The following PCDH11Y variants were observed in gnomAD, a reference collection of about 807,000 sequenced individuals.
PCDH11Y encodes protocadherin-11 Y-linked.
For synonymous variants in PCDH11Y, 9 were observed against 83.6 expected, an observed-to-expected ratio of 0.11 and a Z score of 4.87; for missense variants, 12 against 224.8, an observed-to-expected ratio of 0.05 and a Z score of 6.05.
At chrY:5,709,064 A>G in intron 4 of PCDH11Y, among the ~76,000 whole-genome samples, 2 of 31,422 alleles carry the variant, frequency 6.4e-5, no homozygotes, top group African/African-American at 2.5e-4. Flanking sequence ...TTGGCCTTTT[A>G]AGATATATTT....
intron 4 of PCDH11Y, among the ~76,000 whole-genome samples, chrY:5,700,104 G>T (rs2053576171): frequency 3.1e-5 from 1 of 32,442 alleles, no homozygotes; most frequent in African/African-American, 1.2e-4. Context: ...GGTGAGAGCT[G>T]CTGACCACCA....
intron 3 of PCDH11Y, among the ~76,000 whole-genome samples, chrY:5,046,464 C>T (rs2052639805): frequency 3.0e-5 from 1 of 33,764 alleles, no homozygotes; most frequent in African/African-American, 1.1e-4. Flanking sequence ...AGGCAGTCTG[C>T]GTGTTCTCAG....
At chrY:5,092,477 C>A in intron 1 of PCDH11Y, among the ~76,000 whole-genome samples, 1 of 33,107 alleles carries the variant, frequency 3.0e-5, no homozygotes, top group Non-Finnish European at 7.5e-5. Flanking sequence ...CTCTAAAAGG[C>A]ACCACAGTAT....
At chrY:5,223,590 GC>G (rs2052956311) in intron 2 of PCDH11Y, among the ~76,000 whole-genome samples, 1 of 31,886 alleles carries the variant, frequency 3.1e-5, no homozygotes, top group Non-Finnish European at 7.6e-5. Context: ...CAAGTAGCTG[GC>G]ACTACAGGCA....
At chrY:5,132,948 T>C in intron 2 of PCDH11Y, among the ~76,000 whole-genome samples, 2 of 32,760 alleles carry the variant, frequency 6.1e-5, no homozygotes, top group Non-Finnish European at 1.5e-4. Context: ...AAGCTAGCTT[T>C]TTTATATTAT....
downstream of PCDH11Y, among the ~76,000 whole-genome samples, chrY:5,101,603 G>T: frequency 9.0e-5 from 3 of 33,462 alleles, no homozygotes; most frequent in South Asian, 6.6e-4. Context: ...GTTCCATGAA[G>T]AAATGAATAC....
intron 2 of PCDH11Y, among the ~76,000 whole-genome samples, chrY:5,148,525 AGAAAC>A (rs2052860496): frequency 3.1e-5 from 1 of 32,743 alleles, no homozygotes; most frequent in African/African-American, 1.2e-4. Context: ...ATTTTTGAAA[AGAAAC>A]TACCAATATT....
intron 2 of PCDH11Y, among the ~76,000 whole-genome samples, chrY:5,427,020 C>T (rs1602923563): frequency 3.1e-5 from 1 of 32,697 alleles, no homozygotes; most frequent in East Asian, 8.1e-4. Context: ...ATCATTTTCC[C>T]TACTAACACG....
At chrY:5,389,225 A>G in intron 2 of PCDH11Y, among the ~76,000 whole-genome samples, 1 of 33,881 alleles carries the variant, frequency 3.0e-5, no homozygotes, top group African/African-American at 1.2e-4. Flanking sequence ...AAGCCCTAAG[A>G]TAAGTATTTC....
chrY:5,410,526 G>A, intron 2 of PCDH11Y, among the ~76,000 whole-genome samples: 1 of 32,774 alleles, frequency 3.1e-5, no homozygotes, highest in African/African-American at 1.2e-4. Flanking sequence ...GGTTCACTAG[G>A]TTTTTTTTCT....
intron 2 of PCDH11Y, among the ~76,000 whole-genome samples, chrY:5,435,620 A>T: frequency 3.1e-5 from 1 of 32,766 alleles, no homozygotes; most frequent in South Asian, 6.9e-4. Flanking sequence ...CCGGCCGTGT[A>T]ATTGTTTTAA....
intron 2 of PCDH11Y, among the ~76,000 whole-genome samples, chrY:5,482,437 G>T: frequency 3.0e-5 from 1 of 33,739 alleles, no homozygotes. Flanking sequence ...GCTCTGATAT[G>T]TAGTGCATGT....
At chrY:5,187,047 G>A in intron 2 of PCDH11Y, among the ~76,000 whole-genome samples, 1 of 34,095 alleles carries the variant, frequency 2.9e-5, no homozygotes, top group Non-Finnish European at 7.3e-5. Flanking sequence ...AAATCTTAAA[G>A]TTCTAAAATG....
At chrY:5,104,183 G>T, downstream of PCDH11Y, among the ~76,000 whole-genome samples, 3 of 33,181 alleles carry the variant, frequency 9.0e-5, no homozygotes, top group Non-Finnish European at 1.5e-4. Flanking sequence ...GTCTGAGTTA[G>T]CTTGGAATAG....
chrY:5,384,315 T>TA (rs2053208768), intron 2 of PCDH11Y, among the ~76,000 whole-genome samples: 24 of 30,873 alleles, frequency 7.8e-4, no homozygotes, highest in Non-Finnish European at 1.6e-3. Flanking sequence ...GTATTGAATA[T>TA]AAAAAAATAT....
chrY:5,023,466 G>A (rs1316497995), intron 1 of PCDH11Y, among the ~76,000 whole-genome samples: 3 of 34,570 alleles, frequency 8.7e-5, no homozygotes. Flanking sequence ...CTTATGGCAA[G>A]TGGGGCAGAT....
At chrY:5,678,835 G>A (rs1211288947) in intron 4 of PCDH11Y, among the ~76,000 whole-genome samples, 2,827 of 32,707 alleles carry the variant, frequency 0.086, no homozygotes, top group East Asian at 0.055. Context: ...GTGCACTTTA[G>A]GGAGGAATAT....
intron 2 of PCDH11Y, among the ~76,000 whole-genome samples, chrY:5,442,302 T>A: frequency 3.0e-5 from 1 of 32,922 alleles, no homozygotes; most frequent in Non-Finnish European, 7.5e-5. Flanking sequence ...TTGCCTTAGC[T>A]TATTGCTTGC....
chrY:5,240,924 C>T, intron 2 of PCDH11Y, among the ~76,000 whole-genome samples: 1 of 23,290 alleles, frequency 4.3e-5, no homozygotes, highest in Non-Finnish European at 9.1e-5. Flanking sequence ...ATTGACTTCT[C>T]TGTAGCCATG....
Sources: gnomAD v4.1 joint callset for allele counts (sites outside exome capture counted in the v4.1 genomes callset) on GRCh38, gnomAD v4.1.1 for gene constraint, MANE v1.5 for transcripts, NCBI Gene and HGNC (gene_info 2026-07-23, HGNC 2026-07-21) for gene names.